DNM2: variants seen among roughly 807,000 people sequenced by gnomAD.
DNM2 encodes the protein dynamin 2.
Under a neutral mutation model 99.0 loss-of-function variants are expected in DNM2, and 15 were observed. The ratio of observed to expected loss-of-function variants is 0.15; its 90% CI spans 0.10 to 0.23. DNM2 has a LOEUF of 0.23. Ranked by LOEUF, DNM2 falls within the 10% of genes least tolerant of loss-of-function variation. DNM2 has a pLI of 1.00. For synonymous variants in DNM2, 525 were observed against 481.2 expected, an observed-to-expected ratio of 1.09 and a Z score of -1.19; for missense variants, 742 against 1,189.4, an observed-to-expected ratio of 0.62 and a Z score of 5.53.
intron 3 of DNM2, among the ~76,000 whole-genome samples, chr19:10,773,054 G>A (rs1007940802): frequency 2.1e-5 from 3 of 144,636 alleles, no homozygotes; most frequent in Middle Eastern, 3.4e-3. Flanking sequence ...ATCTCTGCTC[G>A]CTGCAACCTC....
intron 1 of DNM2, among the ~76,000 whole-genome samples, chr19:10,720,040 T>TG (rs1181461757): frequency 2.0e-5 from 3 of 148,906 alleles, no homozygotes; most frequent in Admixed American, 6.7e-5. Flanking sequence ...GACTGTGGTG[T>TG]GGGCCCCTTT....
At chr19:10,776,631 T>G (rs769108963) in intron 4 of DNM2, among the ~76,000 whole-genome samples, 6 of 152,228 alleles carry the variant, frequency 3.9e-5, no homozygotes, top group Non-Finnish European at 7.3e-5. Context: ...AAGACATCCT[T>G]GACTCTGGAA....
chr19:10,795,508 C>T lies in DNM2; in HGVS notation c.1196+69C>T. ...GGTGCGACCCCCCAGCTAATTGGGT[C>T]ACCCACACCTCTGAGTCCCTAATCG... On this transcript the variant is annotated intron_variant, in intron 9 of 20. Coordinates refer to ENST00000389253, the MANE Select transcript of DNM2 (RefSeq NM_001005361.3). This position sits in a 1 kb window ranked among gnomAD's most constrained non-coding sequence, Gnocchi z 4.2. The T allele has an allele frequency of 1.3e-6, 2 of 1,558,806 alleles. No individual in the cohort carries two copies. Among genetic ancestry groups the T allele is most frequent in the South Asian group, 1.1e-5 (1 of 89,966 alleles).
Position 10,775,941 on chromosome 19 carries a change from G to A in DNM2, c.589+35G>A, listed in dbSNP as rs781149779. On this transcript the variant is annotated intron_variant, in intron 4 of 20. Transcript: ENST00000389253. The surrounding 1 kb of genome is among the most constrained non-coding windows in gnomAD (Gnocchi z 4.3). ...AGCCTAGGGCAGTCCCCTCTTCCAG[G>A]TGCCTCTGAGCATGGGATGTGCCCA... is the stretch of plus-strand genomic sequence containing the variant. 7 of 1,602,642 alleles carry A rather than the reference G, an allele frequency of 4.4e-6. No individual in the cohort carries two copies. Among genetic ancestry groups the A allele is most frequent in the Non-Finnish European group, 5.9e-6 (7 of 1,179,250 alleles).
At position 10,732,549 on chromosome 19, in the gene DNM2, G is replaced by A. The variant is rs932221041; in HGVS notation, c.161+14146G>A. Among the ~76,000 whole-genome samples, 16 of 151,826 alleles carry A rather than the reference G, an allele frequency of 1.1e-4. No homozygotes were observed. In the Middle Eastern group the frequency reaches 0.01, roughly 97 times the overall value. ...CAGGAGGCGGAGCTTGCAGTGAGCC[G>A]AGATCGCGCCACTGCACTCCCGCCT... On this transcript the variant is annotated intron_variant, in intron 1 of 20. Transcript: ENST00000389253.
intron 1 of DNM2, among the ~76,000 whole-genome samples, chr19:10,732,299 G>GAAA (rs1161253585): frequency 6.6e-5 from 6 of 91,022 alleles, no homozygotes; most frequent in East Asian, 3.6e-4. Flanking sequence ...TCGTTGTGGA[G>GAAA]AAAAAAAAAA....
At chr19:10,776,279 C>T (rs2071152198) in intron 4 of DNM2, among the ~76,000 whole-genome samples, 1 of 152,246 alleles carries the variant, frequency 6.6e-6, no homozygotes, top group Non-Finnish European at 1.5e-5. Context: ...TCAGTCCTAA[C>T]CCAGATAGCT....
intron 1 of DNM2, chr19:10,754,983 C>T (rs1016944137): frequency 6.6e-6 from 1 of 152,216 alleles, no homozygotes; most frequent in African/African-American, 2.4e-5. Context: ...CCTCCTGCCC[C>T]TTCTAGTCCA....
intron 12 of DNM2, chr19:10,803,490 G>A (rs898470661): frequency 1.0e-5 from 5 of 490,096 alleles, no homozygotes; most frequent in Admixed American, 1.3e-4. Context: ...GGCTCACAGC[G>A]CTGGTCCCCA....
At chr19:10,748,442 A>G (rs1423149811) in intron 1 of DNM2, among the ~76,000 whole-genome samples, 1 of 152,156 alleles carries the variant, frequency 6.6e-6, no homozygotes, top group Non-Finnish European at 1.5e-5. Context: ...TGGGGTGACC[A>G]CAGGGATGCA....
chr19:10,761,133 T>C (rs2070616668), intron 2 of DNM2, among the ~76,000 whole-genome samples: 1 of 151,832 alleles, frequency 6.6e-6, no homozygotes, highest in Non-Finnish European at 1.5e-5. Context: ...GGACTACAGG[T>C]GTGTGTCACC....
intron 2 of DNM2, among the ~76,000 whole-genome samples, chr19:10,768,269 C>T (rs565847043): frequency 7.2e-4 from 110 of 152,140 alleles, no homozygotes; most frequent in Admixed American, 2.2e-3. Flanking sequence ...CTGGCTAACA[C>T]GGTGAAACCA....
At chr19:10,802,175 A>G in intron 11 of DNM2, 113 bp from the exon 12 acceptor site, 1 of 1,102,510 alleles carries the variant, frequency 9.1e-7, no homozygotes, top group East Asian at 2.4e-5. Context: ...CCTGTCTGGG[A>G]AGCCTCCTGG....
chr19:10,767,267 C>G (rs551650045), intron 2 of DNM2, among the ~76,000 whole-genome samples: 1 of 151,866 alleles, frequency 6.6e-6, no homozygotes, highest in Non-Finnish European at 1.5e-5. Context: ...GCGCATGCAG[C>G]GTTCCAGAGG....
chr19:10,767,140 G>GGCT (rs1195754575), intron 2 of DNM2, among the ~76,000 whole-genome samples: 1 of 151,880 alleles, frequency 6.6e-6, no homozygotes, highest in Admixed American at 6.6e-5. Flanking sequence ...GCTGGGCCTC[G>GGCT]GCTGCTGCTG....
In DNM2 at chr19:10,735,363, A is replaced by G. The variant is rs530515664; in HGVS notation, c.161+16960A>G. On this transcript the variant is annotated intron_variant, in intron 1 of 20. Coordinates refer to ENST00000389253, the MANE Select transcript of DNM2 (RefSeq NM_001005361.3). Reference sequence around the variant, plus strand: ...ATCTTCTGTGAATCTTATCAGGAGTATAGGATACCAACAAGACTGATAAAT... The same window carrying G: ...ATCTTCTGTGAATCTTATCAGGAGTGTAGGATACCAACAAGACTGATAAAT... Among the ~76,000 whole-genome samples the G allele has an allele frequency of 3.3e-5, 5 of 152,238 alleles. No individual in the cohort carries two copies. In the South Asian group the frequency reaches 6.2e-4, roughly 19 times the overall value.
At chr19:10,791,582 TG>T (rs2058702725) in intron 7 of DNM2, among the ~76,000 whole-genome samples, 1 of 152,152 alleles carries the variant, frequency 6.6e-6, no homozygotes, top group African/African-American at 2.4e-5. Context: ...GCTCTGATTG[TG>T]CAGCGTGGGT....
At chr19:10,813,186 G>A (rs903725130) in intron 15 of DNM2, among the ~76,000 whole-genome samples, 1 of 152,184 alleles carries the variant, frequency 6.6e-6, no homozygotes, top group Admixed American at 6.5e-5. Context: ...CCACATGCTC[G>A]TCATTATGGG....
intron 2 of DNM2, among the ~76,000 whole-genome samples, chr19:10,771,342 A>T (rs1376177339): frequency 1.3e-5 from 2 of 151,890 alleles, no homozygotes; most frequent in African/African-American, 4.8e-5. Context: ...TCAATTACTT[A>T]TTTTGTTCCC....
Sources: allele counts gnomAD v4.1 joint callset (sites outside exome capture counted in the v4.1 genomes callset), GRCh38; gene constraint gnomAD v4.1.1; non-coding constraint Gnocchi (gnomAD v3.1); transcripts MANE v1.5; gene names NCBI Gene and HGNC (gene_info 2026-07-23, HGNC 2026-07-21).